Variants in PPM1E observed in about 807,000 individuals in gnomAD.
PPM1E encodes the protein protein phosphatase 1E.
A neutral mutation model predicts 65.9 loss-of-function variants in PPM1E; 20 were observed. That is an observed-to-expected ratio of 0.30 (90% CI 0.21 to 0.44). The LOEUF (loss-of-function observed/expected upper bound fraction) is 0.44. Ranked by LOEUF, PPM1E falls within the 20% of genes least tolerant of loss-of-function variation. The pLI, the probability that PPM1E is intolerant of heterozygous loss-of-function variation, is 1.00. For synonymous variants in PPM1E, 352 were observed against 374.9 expected (o/e 0.94, Z 0.70); for missense variants, 713 against 953.1 (o/e 0.75, Z 3.32).
intron 1 of PPM1E, among the ~76,000 whole-genome samples, chr17:58,852,226 C>G (rs1452523136): frequency 6.6e-6 from 1 of 152,150 alleles, no homozygotes; most frequent in Non-Finnish European, 1.5e-5. Flanking sequence ...CCTTGCGCTT[C>G]CCGGGTGAAG....
At chr17:58,976,862 A>G (rs1241739586) in intron 6 of PPM1E, among the ~76,000 whole-genome samples, 3 of 152,234 alleles carry the variant, frequency 2.0e-5, no homozygotes, top group Non-Finnish European at 4.4e-5. Flanking sequence ...AGTGTGACTC[A>G]GATCACATTT....
intron 1 of PPM1E, among the ~76,000 whole-genome samples, chr17:58,931,066 TAAAA>T (rs774968022): frequency 1.6e-4 from 13 of 83,148 alleles, no homozygotes; most frequent in Non-Finnish European, 1.9e-4. Flanking sequence ...ATACAAAAAT[TAAAA>T]AAAAAAAAAA....
intron 1 of PPM1E, among the ~76,000 whole-genome samples, chr17:58,881,645 A>G (rs2051195615): frequency 6.6e-6 from 1 of 152,052 alleles, no homozygotes; most frequent in South Asian, 2.1e-4. Flanking sequence ...CTGGTGACAG[A>G]GTGAGATTCC....
At chr17:58,979,095 C>A (rs746964415) in intron 6 of PPM1E, among the ~76,000 whole-genome samples, 1 of 152,040 alleles carries the variant, frequency 6.6e-6, no homozygotes, top group Non-Finnish European at 1.5e-5. Context: ...TGTGAGAGGA[C>A]GAAGCTAAGC....
intron 1 of PPM1E, among the ~76,000 whole-genome samples, chr17:58,809,506 C>T (rs1382939613): frequency 6.6e-6 from 1 of 152,110 alleles, no homozygotes; most frequent in East Asian, 1.9e-4. Flanking sequence ...CTTCAGCCTC[C>T]CAAGGTAGCT....
intron 1 of PPM1E, among the ~76,000 whole-genome samples, chr17:58,788,405 A>G (rs566660580): frequency 6.6e-6 from 1 of 152,278 alleles, no homozygotes; most frequent in East Asian, 1.9e-4. Context: ...AGGTATTTGT[A>G]TGCCCTTGAC....
intron 1 of PPM1E, among the ~76,000 whole-genome samples, chr17:58,865,647 C>T (rs1360676553): frequency 6.6e-6 from 1 of 152,142 alleles, no homozygotes; most frequent in African/African-American, 2.4e-5. Flanking sequence ...CTGCAGTGAG[C>T]CATGATTGCA....
intron 1 of PPM1E, among the ~76,000 whole-genome samples, chr17:58,910,150 G>T (rs1420475916): frequency 6.6e-6 from 1 of 151,690 alleles, no homozygotes; most frequent in Non-Finnish European, 1.5e-5. Context: ...TGATCCACCC[G>T]CCTCGTTGCC....
At chr17:58,943,098 A>G (rs916068536) in intron 1 of PPM1E, among the ~76,000 whole-genome samples, 5 of 146,690 alleles carry the variant, frequency 3.4e-5, no homozygotes, top group African/African-American at 1.2e-4. Context: ...AAAGTGAATT[A>G]AAAAAAAAAG....
Position 58,848,870 on chromosome 17 carries a change from C to G in PPM1E, c.464+92409C>G, listed in dbSNP as rs541360817. On this transcript the variant is annotated intron_variant, in intron 1 of 6. Coordinates refer to ENST00000308249, the MANE Select transcript of PPM1E (RefSeq NM_014906.5). ...ATGGTACCAGCTCCTCTTTGTAGCT[C>G]TGGTAGAATTCAGCTGTGAATCCAT... 6.6e-4 allele frequency among the ~76,000 whole-genome samples: 100 copies of G among 152,292 alleles called. 1 individual carries two copies. In the South Asian group the frequency reaches 9.9e-3, roughly 15 times the overall value.
intron 1 of PPM1E, among the ~76,000 whole-genome samples, chr17:58,931,428 GAGGGAGGA>G (rs2051897486): frequency 6.6e-6 from 1 of 151,874 alleles, no homozygotes; most frequent in African/African-American, 2.4e-5. Context: ...GGGAGAGAAG[GAGGGAGGA>G]AGGGAGGAAG....
intron 1 of PPM1E, among the ~76,000 whole-genome samples, chr17:58,862,429 A>T (rs1372660013): frequency 6.6e-6 from 1 of 152,176 alleles, no homozygotes; most frequent in Non-Finnish European, 1.5e-5. Flanking sequence ...GTTCTAGAGG[A>T]ACTCCCCAAT....
intron 1 of PPM1E, among the ~76,000 whole-genome samples, chr17:58,841,374 C>T (rs1476426088): frequency 1.3e-5 from 2 of 151,962 alleles, no homozygotes; most frequent in Non-Finnish European, 2.9e-5. Flanking sequence ...ACCTTCAAGC[C>T]AAGTGATTAT....
chr17:58,860,931 C>T (rs1198019316), intron 1 of PPM1E, among the ~76,000 whole-genome samples: 1 of 151,298 alleles, frequency 6.6e-6, no homozygotes, highest in African/African-American at 2.4e-5. Flanking sequence ...AGTGAGACTC[C>T]GTCTTAAAAA....
At chr17:58,771,078 A>G (rs1464280833) in intron 1 of PPM1E, among the ~76,000 whole-genome samples, 1 of 151,652 alleles carries the variant, frequency 6.6e-6, no homozygotes, top group Non-Finnish European at 1.5e-5. Flanking sequence ...GATAGTCTTT[A>G]TCTCTTGACC....
chr17:58,882,546 A>G (rs1315809662), intron 1 of PPM1E, among the ~76,000 whole-genome samples: 1 of 152,012 alleles, frequency 6.6e-6, no homozygotes, highest in Non-Finnish European at 1.5e-5. Flanking sequence ...GCGTGCCACC[A>G]CGCCTGGCTA....
At chr17:58,877,194 A>G (rs776228300) in intron 1 of PPM1E, among the ~76,000 whole-genome samples, 55 of 152,244 alleles carry the variant, frequency 3.6e-4, no homozygotes, top group Non-Finnish European at 6.8e-4. Context: ...AGATTTTACA[A>G]TATAATACAA....
At chr17:58,897,654 G>A (rs141482113) in intron 1 of PPM1E, 5 of 152,198 alleles carry the variant, frequency 3.3e-5, no homozygotes, top group Admixed American at 1.3e-4. Context: ...AGGCAAATAC[G>A]TTGAAAACTT....
At chr17:58,852,241 G>T (rs2050833989) in intron 1 of PPM1E, among the ~76,000 whole-genome samples, 1 of 152,106 alleles carries the variant, frequency 6.6e-6, no homozygotes, top group Admixed American at 6.6e-5. Context: ...GTGAAGCACT[G>T]CCCCACCCTG....
Sources: allele counts gnomAD v4.1 joint callset (sites outside exome capture counted in the v4.1 genomes callset), GRCh38; gene constraint gnomAD v4.1.1; transcripts MANE v1.5; gene names NCBI Gene and HGNC (gene_info 2026-07-23, HGNC 2026-07-21).